The following SV2C variants were observed in gnomAD, a reference collection of about 807,000 sequenced individuals.
The protein encoded by SV2C is synaptic vesicle glycoprotein 2C.
SV2C carries 49 observed loss-of-function variants against 79.7 expected under a neutral mutation model. The ratio of observed to expected loss-of-function variants is 0.61; its 90% CI spans 0.49 to 0.78. SV2C has a LOEUF of 0.78. Among genes scored for constraint, SV2C ranks in the 30% least tolerant of loss-of-function variants. SV2C has a pLI of 0.00. For missense variants in SV2C, 833 were observed against 912.9 expected, an observed-to-expected ratio of 0.91 and a Z score of 1.13; for synonymous variants, 334 against 333.2, an observed-to-expected ratio of 1.00 and a Z score of -0.03.
At chr5:75,863,376 A>C in the SV2C span, among the ~76,000 whole-genome samples, 1 of 152,346 alleles carries the variant, frequency 6.6e-6, no homozygotes, top group East Asian at 1.9e-4. Context: ...ATCATATAGC[A>C]TTTCTACCAT....
chr5:76,268,231 A>G (rs1746727278), intron 4 of SV2C, among the ~76,000 whole-genome samples: 1 of 152,050 alleles, frequency 6.6e-6, no homozygotes, highest in African/African-American at 2.4e-5. Flanking sequence ...AAAAGGTGGG[A>G]GGGGGAAGGG....
intron 2 of SV2C, among the ~76,000 whole-genome samples, chr5:76,161,606 A>G (rs1029176190): frequency 1.3e-5 from 2 of 152,224 alleles, no homozygotes; most frequent in East Asian, 3.9e-4. Flanking sequence ...AAATGGTAGG[A>G]TTACAGGTAC....
intron 1 of SV2C, among the ~76,000 whole-genome samples, chr5:76,089,938 G>A (rs777434315): frequency 2.6e-5 from 4 of 152,196 alleles, no homozygotes; most frequent in Non-Finnish European, 5.9e-5. Context: ...TTACTTCATA[G>A]GCACTGTACT....
At chr5:76,273,898 G>A (rs1746947181) in intron 4 of SV2C, among the ~76,000 whole-genome samples, 1 of 152,324 alleles carries the variant, frequency 6.6e-6, no homozygotes, top group South Asian at 2.1e-4. Context: ...CAGGATTTCA[G>A]CTCAAGGGGA....
the SV2C span, among the ~76,000 whole-genome samples, chr5:75,921,927 T>G: frequency 1.3e-5 from 2 of 152,044 alleles, no homozygotes; most frequent in Non-Finnish European, 2.9e-5. Flanking sequence ...TTACTGTATG[T>G]TAGAAATTGT....
At chr5:76,125,707 T>A (rs1411021264) in intron 1 of SV2C, among the ~76,000 whole-genome samples, 1 of 152,120 alleles carries the variant, frequency 6.6e-6, no homozygotes, top group Non-Finnish European at 1.5e-5. Context: ...GACAACTGCC[T>A]GATAAAGAAA....
At chr5:76,189,409 A>G (rs1332116851) in intron 2 of SV2C, among the ~76,000 whole-genome samples, 1 of 152,132 alleles carries the variant, frequency 6.6e-6, no homozygotes, top group African/African-American at 2.4e-5. Context: ...ACCAATTTGC[A>G]GTGACTATTC....
At chr5:75,884,151 C>A in the SV2C span, among the ~76,000 whole-genome samples, 2 of 152,146 alleles carry the variant, frequency 1.3e-5, no homozygotes, top group Non-Finnish European at 1.5e-5. Context: ...ACCCTGTGAA[C>A]TAACCATGCT....
chr5:76,094,601 G>A (rs1439448263), intron 1 of SV2C, among the ~76,000 whole-genome samples: 4 of 152,056 alleles, frequency 2.6e-5, no homozygotes, highest in South Asian at 4.1e-4. Flanking sequence ...CCACATTGGA[G>A]CTATTATCAA....
the SV2C span, among the ~76,000 whole-genome samples, chr5:75,892,431 TC>T: frequency 3.9e-5 from 6 of 152,008 alleles, no homozygotes; most frequent in Admixed American, 3.9e-4. Flanking sequence ...TCTTTTTTTT[TC>T]AACTTCCACT....
chr5:76,001,890 C>T, the SV2C span, among the ~76,000 whole-genome samples: 1 of 152,036 alleles, frequency 6.6e-6, no homozygotes, highest in African/African-American at 2.4e-5. Context: ...GATTTTGGTA[C>T]ACCCGTCACC....
the SV2C span, among the ~76,000 whole-genome samples, chr5:75,971,655 AC>A: frequency 6.6e-6 from 1 of 152,082 alleles, no homozygotes; most frequent in African/African-American, 2.4e-5. Context: ...ACTACAAACC[AC>A]TGCTCAAGGA....
At chr5:76,152,546 C>G (rs1318188288) in intron 2 of SV2C, among the ~76,000 whole-genome samples, 1 of 152,212 alleles carries the variant, frequency 6.6e-6, no homozygotes, top group South Asian at 2.1e-4. Flanking sequence ...TTACAAGTAC[C>G]TCTGGATTAA....
the SV2C span, among the ~76,000 whole-genome samples, chr5:76,045,276 CT>C: frequency 4.5e-3 from 685 of 152,274 alleles, 4 homozygotes; most frequent in African/African-American, 0.013. Context: ...GTCTATGTGT[CT>C]GTTTTTCTAC....
chr5:76,033,329 A>G, the SV2C span, among the ~76,000 whole-genome samples: 23,292 of 151,932 alleles, frequency 0.15, 5,836 homozygotes, highest in African/African-American at 0.53. Flanking sequence ...GCCCATGCCT[A>G]TGTCCTGAAT....
At chr5:75,978,190 T>G in the SV2C span, among the ~76,000 whole-genome samples, 1 of 152,156 alleles carries the variant, frequency 6.6e-6, no homozygotes, top group Non-Finnish European at 1.5e-5. Flanking sequence ...TATCAACAGC[T>G]TCTGACTCAC....
At chr5:76,114,068 C>T (rs920432078) in intron 1 of SV2C, among the ~76,000 whole-genome samples, 2 of 152,190 alleles carry the variant, frequency 1.3e-5, no homozygotes, top group Non-Finnish European at 2.9e-5. Context: ...ATGAATGCTC[C>T]AGTTCTCATG....
At chr5:76,262,514 T>C (rs1746507321) in intron 4 of SV2C, among the ~76,000 whole-genome samples, 1 of 152,182 alleles carries the variant, frequency 6.6e-6, no homozygotes, top group Non-Finnish European at 1.5e-5. Context: ...CTTTTAATTG[T>C]GATGTTAGGT....
chr5:76,257,462 G>A (rs752888899), intron 4 of SV2C, among the ~76,000 whole-genome samples: 23 of 125,078 alleles, frequency 1.8e-4, no homozygotes, highest in Non-Finnish European at 3.9e-4. Flanking sequence ...GTAGTGTGGG[G>A]GATAGCGGTG....
Sources: gnomAD v4.1 joint callset for allele counts (sites outside exome capture counted in the v4.1 genomes callset) on GRCh38, gnomAD v4.1.1 for gene constraint, MANE v1.5 for transcripts, NCBI Gene and HGNC (gene_info 2026-07-23, HGNC 2026-07-21) for gene names.